Variants in GAS2L3 observed in about 807,000 individuals in gnomAD.
GAS2L3 encodes GAS2-like protein 3.
A neutral mutation model predicts 37.0 loss-of-function variants in GAS2L3; 28 were observed. The observed-to-expected ratio is 0.76, with a 90% CI of 0.56 to 1.04. The LOEUF (loss-of-function observed/expected upper bound fraction) is 1.04, where lower values mean the gene tolerates loss of function less well. Among genes scored for constraint, GAS2L3 ranks in the 50% least tolerant of loss-of-function variants. The probability of loss-of-function intolerance (pLI) is 0.00; values close to 1 mark genes in which losing one functional copy is unlikely to be tolerated. For synonymous variants in GAS2L3, 290 were observed against 296.6 expected, an observed-to-expected ratio of 0.98 and a Z score of 0.23; for missense variants, 793 against 817.6, an observed-to-expected ratio of 0.97 and a Z score of 0.37.
intron 1 of GAS2L3, chr12:100,580,021 T>A: frequency 7.1e-7 from 1 of 1,408,352 alleles, no homozygotes; most frequent in Non-Finnish European, 1.0e-6. Context: ...ACAGGCTACA[T>A]CTTTGCTTTG....
At chr12:100,618,741 A>C in intron 8 of GAS2L3, 154 bp downstream of exon 8, 1 of 592,852 alleles carries the variant, frequency 1.7e-6, no homozygotes, top group Non-Finnish European at 2.7e-6. Context: ...TGATGAATTC[A>C]GGGCATTATA....
At chr12:100,575,882 T>G (rs1333079725) in intron 1 of GAS2L3, among the ~76,000 whole-genome samples, 1 of 152,178 alleles carries the variant, frequency 6.6e-6, no homozygotes, top group Non-Finnish European at 1.5e-5. Context: ...GTTACACACC[T>G]TTATATTCCT....
Position 100,612,122 on chromosome 12 carries a change from C to T in GAS2L3, c.426C>T (p.Leu142=). ...ACATTGGGGTTGATGAAACTTACCT[C>T]TTTGAATCTGAAGGTTTAGGTAAGT... ...CRDIGVDETY[L]FESEGLVLHK... Residue 142 remains leucine, a synonymous_variant, in exon 6 of 10, where the codon CTC becomes CTT. Transcript: ENST00000547754. 6.2e-7 allele frequency: 1 copy of T among 1,613,454 alleles called. No homozygotes were observed. Among genetic ancestry groups the T allele is most frequent in the Non-Finnish European group, 8.5e-7 (1 of 1,179,490 alleles).
chr12:100,617,128 T>A (rs572792522), intron 6 of GAS2L3, among the ~76,000 whole-genome samples: 1 of 152,302 alleles, frequency 6.6e-6, no homozygotes, highest in Non-Finnish European at 1.5e-5. Context: ...ATTGGGTTGA[T>A]TTTCTTATAT....
chr12:100,590,155 A>T (rs1485125000), intron 1 of GAS2L3, among the ~76,000 whole-genome samples: 1 of 152,208 alleles, frequency 6.6e-6, no homozygotes. Context: ...GAAAATTTTC[A>T]TAAGCTATAC....
At chr12:100,579,745 G>A in intron 1 of GAS2L3, 1 of 733,968 alleles carries the variant, frequency 1.4e-6, no homozygotes, top group Non-Finnish European at 2.5e-6. Flanking sequence ...AGGGTTGGTG[G>A]AATTCCTGAG....
At chr12:100,605,924 C>G (rs746719299) in intron 5 of GAS2L3, among the ~76,000 whole-genome samples, 1 of 151,092 alleles carries the variant, frequency 6.6e-6, no homozygotes, top group African/African-American at 2.4e-5. Context: ...AACATATGAT[C>G]TATGCTTGAG....
intron 1 of GAS2L3, among the ~76,000 whole-genome samples, chr12:100,583,772 A>AT: frequency 6.6e-6 from 1 of 151,858 alleles, no homozygotes; most frequent in Non-Finnish European, 1.5e-5. Context: ...CCCAGCCGTC[A>AT]TTTTTTTTCC....
chr12:100,600,734 A>G (rs1371825417), intron 4 of GAS2L3, among the ~76,000 whole-genome samples, 184 bp downstream of exon 4: 2 of 152,220 alleles, frequency 1.3e-5, no homozygotes, highest in Non-Finnish European at 2.9e-5. Flanking sequence ...ATTCACCCTG[A>G]ACCTTGGGTC....
At position 100,618,559 on chromosome 12, in the gene GAS2L3, G is replaced by C; in HGVS notation, c.620G>C (p.Cys207Ser). Residue 207 changes from cysteine to serine, a missense_variant, in exon 8 of 10, where the codon TGC becomes TCC. Physicochemically the swap from Cys to Ser is moderately radical, Grantham distance 112 (BLOSUM62 -1). Coordinates refer to ENST00000547754, the MANE Select transcript of GAS2L3 (RefSeq NM_174942.3). The stretch of plus-strand genomic sequence containing the variant: ...GATTCCATCAGCATTCCAAAATCAT[G>C]CTGTCGGCATGAAGAGCTACATGAA... ...PEDSISIPKSCCRHEELHEAV... is the reference protein window; with the variant it reads ...PEDSISIPKSSCRHEELHEAV... 6.2e-7 allele frequency: 1 copy of C among 1,611,946 alleles called. No individual in the cohort carries two copies. The highest frequency in any genetic ancestry group is 8.5e-7 in the Non-Finnish European group (1 of 1,179,132).
chr12:100,623,224 A>C (rs1467096445), intron 9 of GAS2L3, among the ~76,000 whole-genome samples: 3 of 152,152 alleles, frequency 2.0e-5, no homozygotes, highest in Non-Finnish European at 4.4e-5. Flanking sequence ...GGATAATCTC[A>C]TACAGTTGTG....
chr12:100,599,206 A>G (rs1195630657), intron 3 of GAS2L3, among the ~76,000 whole-genome samples: 1 of 152,200 alleles, frequency 6.6e-6, no homozygotes, highest in Non-Finnish European at 1.5e-5. Flanking sequence ...GACAAGAGAT[A>G]TTTATATCTG....
At chr12:100,621,987 G>A (rs1199755417) in intron 8 of GAS2L3, among the ~76,000 whole-genome samples, 1 of 151,898 alleles carries the variant, frequency 6.6e-6, no homozygotes, top group Non-Finnish European at 1.5e-5. Context: ...ACCTGGCTCT[G>A]CTACTTACTA....
At chr12:100,592,776 T>A (rs1955862085) in intron 2 of GAS2L3, among the ~76,000 whole-genome samples, 1 of 152,122 alleles carries the variant, frequency 6.6e-6, no homozygotes, top group Non-Finnish European at 1.5e-5. Flanking sequence ...TAGACTTGGT[T>A]ACGTGAGAGG....
At chr12:100,602,504 A>G (rs947932925) in intron 5 of GAS2L3, among the ~76,000 whole-genome samples, 1 of 151,830 alleles carries the variant, frequency 6.6e-6, no homozygotes, top group Non-Finnish European at 1.5e-5. Context: ...CTTGTAAAAA[A>G]TATTTTGTGG....
chr12:100,614,701 T>A (rs1238430953), intron 6 of GAS2L3, among the ~76,000 whole-genome samples: 1 of 152,232 alleles, frequency 6.6e-6, no homozygotes, highest in Middle Eastern at 3.2e-3. Context: ...TCCTACCCCA[T>A]GCCAAGGCAA....
chr12:100,623,893 ATCTGGGCTCTATG>A lies in GAS2L3; in HGVS notation c.1091_1103del (p.Leu364GlnfsTer24), dbSNP rs1195706622. 3.1e-6 allele frequency: 5 copies of A among 1,614,098 alleles called. No homozygotes were observed. Among genetic ancestry groups the A allele is most frequent in the Non-Finnish European group, 4.2e-6 (5 of 1,180,014 alleles). On this transcript the variant is annotated frameshift_variant, in exon 10 of 10. Coordinates refer to ENST00000547754, the MANE Select transcript of GAS2L3 (RefSeq NM_174942.3). LOFTEE classifies it low-confidence loss of function (END_TRUNC). ...CCAGCATCTTCACTGAAAGGAGGTA[ATCTGGGCTCTATG>A]TCAGTCCGTTCTAAATTGCCAAATT...
At chr12:100,594,818 G>A (rs374332785) in intron 2 of GAS2L3, 57 bp from the exon 3 acceptor site, 5 of 543,566 alleles carry the variant, frequency 9.2e-6, no homozygotes, top group African/African-American at 4.0e-5. Flanking sequence ...TGGGGGTTTG[G>A]GGGAGTAGCA....
chr12:100,623,673 C>A lies in GAS2L3; in HGVS notation c.868C>A (p.Gln290Lys). 1.2e-6 allele frequency: 2 copies of A among 1,613,896 alleles called. No individual in the cohort carries two copies. The highest frequency in any genetic ancestry group is 2.2e-5 in the East Asian group (1 of 44,874). ...AATATTACAGTTTGCCACATTAGAA[C>A]AAAAAATTTTAGCATTTCAAAAAGG... ...CRILQFATLE[Q>K]KILAFQKGVS... The change falls in exon 10 of 10, where the codon CAA becomes AAA. Residue 290 changes from glutamine to lysine, a missense_variant. Coordinates refer to ENST00000547754, the MANE Select transcript of GAS2L3 (RefSeq NM_174942.3).
Sources: gnomAD v4.1 joint callset for allele counts (sites outside exome capture counted in the v4.1 genomes callset) on GRCh38, gnomAD v4.1.1 for gene constraint, MANE v1.5 for transcripts, NCBI Gene and HGNC (gene_info 2026-07-23, HGNC 2026-07-21) for gene names.